The following PLCG2 variants were observed in gnomAD, a reference collection of about 807,000 sequenced individuals.
PLCG2 encodes 1-phosphatidylinositol 4,5-bisphosphate phosphodiesterase gamma-2.
PLCG2 carries 69 observed loss-of-function variants against 175.6 expected under a neutral mutation model. The ratio of observed to expected loss-of-function variants is 0.39; its 90% CI spans 0.32 to 0.48. The LOEUF (loss-of-function observed/expected upper bound fraction) is 0.48, where lower values mean the gene tolerates loss of function less well. PLCG2 is among the 20% of genes least tolerant of loss of function. PLCG2 has a pLI of 0.91. For synonymous variants in PLCG2, 827 were observed against 624.0 expected, an observed-to-expected ratio of 1.33 and a Z score of -4.85; for missense variants, 1,798 against 1,650.9, an observed-to-expected ratio of 1.09 and a Z score of -1.54.
At chr16:81,822,777 A>AAAAG (rs1904861372) in intron 2 of PLCG2, among the ~76,000 whole-genome samples, 1 of 150,976 alleles carries the variant, frequency 6.6e-6, no homozygotes, top group Non-Finnish European at 1.5e-5. Context: ...AAAAAAAAAA[A>AAAAG]AAAAGAAAAA....
At chr16:81,765,449 G>C (rs1910127848) in intron 2 of PLCG2, among the ~76,000 whole-genome samples, 1 of 152,170 alleles carries the variant, frequency 6.6e-6, no homozygotes, top group African/African-American at 2.4e-5. Context: ...TGGGCTACAT[G>C]ATGAAACCCT....
At position 81,960,800 on chromosome 16, in the gene PLCG2, C is replaced by A. The variant is rs987296215; in HGVS notation, c.*2802C>A. 1 of 229,520 alleles carries A rather than the reference C, an allele frequency of 4.4e-6. No homozygotes were observed. The highest frequency in any genetic ancestry group is 2.2e-5 in the African/African-American group (1 of 45,134). 14.2% of individuals were successfully genotyped at this position (229,520 alleles called of 1,614,324 possible). A position where few individuals can be genotyped will look rare whatever the true frequency, so the allele number is the denominator to read the frequency against. ...GCCAGTGGCCTTTAGATTAAGCTAG[C>A]CTTACCCCTGGGAGTATACCAGAGC... On this transcript the variant is annotated 3_prime_UTR_variant, in exon 33 of 33. Coordinates refer to ENST00000564138, the MANE Select transcript of PLCG2 (RefSeq NM_002661.5).
At chr16:81,834,733 G>T (rs547456113) in intron 2 of PLCG2, among the ~76,000 whole-genome samples, 1 of 152,288 alleles carries the variant, frequency 6.6e-6, no homozygotes, top group South Asian at 2.1e-4. Flanking sequence ...CTGGACCAAG[G>T]CATGGCTGCC....
intron 3 of PLCG2, chr16:81,857,868 A>G (rs139889652): frequency 1.0e-3 from 180 of 178,380 alleles, no homozygotes; most frequent in African/African-American, 4.0e-3. Context: ...TTAAATGGGA[A>G]TATAATAGTA....
chr16:81,848,635 G>A (rs117742783), intron 2 of PLCG2, among the ~76,000 whole-genome samples: 3 of 152,146 alleles, frequency 2.0e-5, no homozygotes, highest in Non-Finnish European at 4.4e-5. Context: ...GCTCTGCTCA[G>A]TCATCAGTAA....
intron 2 of PLCG2, among the ~76,000 whole-genome samples, chr16:81,787,435 C>G (rs1278091087): frequency 1.7e-5 from 2 of 119,636 alleles, no homozygotes; most frequent in African/African-American, 6.4e-5. Context: ...CTCACTATGT[C>G]CAGGCTTGTC....
intron 2 of PLCG2, among the ~76,000 whole-genome samples, chr16:81,802,411 C>G (rs899002310): frequency 1.3e-5 from 2 of 151,654 alleles, no homozygotes; most frequent in African/African-American, 4.8e-5. Context: ...CGCGCCCGGC[C>G]TCAGGTGGGT....
At chr16:81,834,352 G>A (rs1215736933) in intron 2 of PLCG2, among the ~76,000 whole-genome samples, 2 of 152,294 alleles carry the variant, frequency 1.3e-5, no homozygotes, top group South Asian at 2.1e-4. Flanking sequence ...AGAATTGTGA[G>A]GGCGGTCTGT....
At chr16:81,843,262 A>T (rs184293288) in intron 2 of PLCG2, among the ~76,000 whole-genome samples, 1 of 152,106 alleles carries the variant, frequency 6.6e-6, no homozygotes, top group Non-Finnish European at 1.5e-5. Flanking sequence ...TCATTTGCCC[A>T]TCTCCTTCTC....
At chr16:81,761,297 C>G (rs1017771693) in intron 2 of PLCG2, among the ~76,000 whole-genome samples, 3 of 152,086 alleles carry the variant, frequency 2.0e-5, no homozygotes, top group Non-Finnish European at 4.4e-5. Flanking sequence ...CCCAGGAGTT[C>G]AAGGATGCAG....
intron 17 of PLCG2, among the ~76,000 whole-genome samples, chr16:81,909,305 T>A (rs1284711529): frequency 1.3e-5 from 2 of 151,818 alleles, no homozygotes; most frequent in African/African-American, 2.4e-5. Context: ...TTAATGTGAG[T>A]TGGGGGGATT....
intron 13 of PLCG2, among the ~76,000 whole-genome samples, chr16:81,899,145 C>T (rs955867471): frequency 7.2e-5 from 11 of 151,906 alleles, no homozygotes; most frequent in African/African-American, 1.5e-4. Context: ...GCTGAGGTCA[C>T]GCCATTGCAC....
intron 31 of PLCG2, among the ~76,000 whole-genome samples, chr16:81,953,577 A>G (rs1291021087): frequency 6.6e-6 from 1 of 152,214 alleles, no homozygotes; most frequent in Non-Finnish European, 1.5e-5. Context: ...TATTACCAAA[A>G]GCTTCATTTT....
At chr16:81,779,560 C>G (rs1184834143) in intron 1 of PLCG2, 136 bp downstream of exon 1, 2 of 152,112 alleles carry the variant, frequency 1.3e-5, no homozygotes, top group African/African-American at 2.4e-5. Flanking sequence ...GGGGCGCACC[C>G]TCGGGGACCC....
chr16:81,929,784 T>C (rs149938950), intron 24 of PLCG2, among the ~76,000 whole-genome samples: 134 of 152,324 alleles, frequency 8.8e-4, no homozygotes, highest in Non-Finnish European at 1.4e-3. Context: ...GATTACCAGA[T>C]GGGAAAATCA....
chr16:81,937,864 C>G lies in PLCG2; in HGVS notation c.3159C>G (p.Pro1053=), dbSNP rs746561092. 5 of 1,613,930 alleles carry G rather than the reference C, an allele frequency of 3.1e-6. No individual in the cohort carries two copies. In the South Asian group the frequency reaches 5.5e-5, roughly 18 times the overall value. The change falls in exon 28 of 33, where the codon CCC becomes CCG. Residue 1053 remains proline (P), a synonymous_variant. Coordinates refer to ENST00000564138, the MANE Select transcript of PLCG2 (RefSeq NM_002661.5). ...MRTEKYDPMP[P]ESQRKILMTL... is the part of the protein sequence containing the mutation. The stretch of plus-strand genomic sequence containing the variant: ...CAGAGAAATATGACCCGATGCCACC[C>G]GAGTCCCAGAGGAAGATCCTGATGA...
At chr16:81,896,365 A>AACAC (rs57375866) in intron 13 of PLCG2, among the ~76,000 whole-genome samples, 124 of 121,164 alleles carry the variant, frequency 1.0e-3, no homozygotes, top group African/African-American at 3.5e-3. Context: ...TCTCTACCAA[A>AACAC]ACACACACAC....
chr16:81,800,050 C>A (rs1294711491), intron 2 of PLCG2, among the ~76,000 whole-genome samples: 2 of 152,192 alleles, frequency 1.3e-5, no homozygotes, highest in Non-Finnish European at 1.5e-5. Flanking sequence ...CTTAACTTTT[C>A]ATTGCACTCA....
chr16:81,799,397 G>C (rs1911620510), intron 2 of PLCG2, among the ~76,000 whole-genome samples: 1 of 152,140 alleles, frequency 6.6e-6, no homozygotes, highest in Non-Finnish European at 1.5e-5. Flanking sequence ...GACCATGTTA[G>C]TATTATTAAC....
Sources: allele counts gnomAD v4.1 joint callset (sites outside exome capture counted in the v4.1 genomes callset), GRCh38; gene constraint gnomAD v4.1.1; transcripts MANE v1.5; gene names NCBI Gene and HGNC (gene_info 2026-07-23, HGNC 2026-07-21).